The following EPHA5 variants were observed in gnomAD, a reference collection of about 807,000 sequenced individuals.
EPHA5 encodes the protein EPH receptor A5, also known as ephrin type-A receptor 5.
In EPHA5, 60 loss-of-function variants were observed where a neutral mutation model predicts 105.0. That is an observed-to-expected ratio of 0.57 (90% CI 0.46 to 0.71). EPHA5 has a LOEUF of 0.71. Ranked by LOEUF, EPHA5 falls within the 30% of genes least tolerant of loss-of-function variation. The pLI is 0.00. For missense variants in EPHA5, 1,218 were observed against 1,274.7 expected (o/e 0.96, Z 0.68); for synonymous variants, 513 against 449.1 (o/e 1.14, Z -1.80).
chr4:65,669,318 C>T (rs113792386), intron 1 of EPHA5: 4 of 896,268 alleles, frequency 4.5e-6, no homozygotes, highest in African/African-American at 3.6e-5. Context: ...TCCCAGCCCC[C>T]CAACCAGCCT....
chr4:65,386,897 C>A (rs73822134), intron 8 of EPHA5, among the ~76,000 whole-genome samples: 4,258 of 151,682 alleles, frequency 0.028, 201 homozygotes, highest in African/African-American at 0.097. Flanking sequence ...AAAATAGCAG[C>A]TTAGTGAGAA....
chr4:65,477,397 T>C (rs1021598053), intron 5 of EPHA5, among the ~76,000 whole-genome samples: 2 of 151,970 alleles, frequency 1.3e-5, no homozygotes, highest in African/African-American at 4.8e-5. Flanking sequence ...CTTCATGTTT[T>C]TTGTTTGTTT....
chr4:65,668,809 G>A (rs1182491302), intron 1 of EPHA5, among the ~76,000 whole-genome samples: 2 of 151,986 alleles, frequency 1.3e-5, no homozygotes, highest in Non-Finnish European at 2.9e-5. Context: ...ACATGCCCAG[G>A]TGGGTTTTAG....
chr4:65,450,796 G>C (rs531886553), intron 5 of EPHA5, among the ~76,000 whole-genome samples: 197 of 152,168 alleles, frequency 1.3e-3, no homozygotes, highest in Middle Eastern at 3.4e-3. Flanking sequence ...TCTAATCCCA[G>C]AACAAAGTAT....
At chr4:65,569,169 G>T (rs1031475155) in intron 3 of EPHA5, among the ~76,000 whole-genome samples, 1 of 151,402 alleles carries the variant, frequency 6.6e-6, no homozygotes, top group Non-Finnish European at 1.5e-5. Flanking sequence ...AAAAATTTAG[G>T]TTAGGCTCAT....
At chr4:65,625,098 T>C (rs1746016762) in intron 2 of EPHA5, among the ~76,000 whole-genome samples, 1 of 152,136 alleles carries the variant, frequency 6.6e-6, no homozygotes, top group South Asian at 2.1e-4. Context: ...AAGATTTAGA[T>C]AATAAAGGAA....
intron 5 of EPHA5, among the ~76,000 whole-genome samples, chr4:65,490,100 C>T (rs1325245691): frequency 6.6e-6 from 1 of 152,136 alleles, no homozygotes; most frequent in Non-Finnish European, 1.5e-5. Flanking sequence ...AATTTTGCTT[C>T]AAATGGATTT....
At chr4:65,334,589 A>G (rs1401259995) in intron 15 of EPHA5, among the ~76,000 whole-genome samples, 1 of 152,012 alleles carries the variant, frequency 6.6e-6, no homozygotes, top group African/African-American at 2.4e-5. Context: ...ATGGACCAGG[A>G]ACTAACAATT....
intron 3 of EPHA5, among the ~76,000 whole-genome samples, chr4:65,591,471 CAA>C (rs200154073): frequency 0.016 from 2,407 of 151,880 alleles, 60 homozygotes; most frequent in African/African-American, 0.055. Flanking sequence ...TTTCTGTTCC[CAA>C]GTTTCCCTCA....
At chr4:65,363,807 T>G (rs868239071) in intron 11 of EPHA5, among the ~76,000 whole-genome samples, 1 of 151,608 alleles carries the variant, frequency 6.6e-6, no homozygotes, top group Non-Finnish European at 1.5e-5. Context: ...TTCAAGGTCC[T>G]TCCCCTCAGA....
chr4:65,489,668 A>G (rs1328989970), intron 5 of EPHA5, among the ~76,000 whole-genome samples: 1 of 152,212 alleles, frequency 6.6e-6, no homozygotes, highest in Non-Finnish European at 1.5e-5. Context: ...TCTTACCAGG[A>G]AAGAAGTCTT....
At chr4:65,406,832 A>G (rs990952997) in intron 7 of EPHA5, among the ~76,000 whole-genome samples, 9 of 152,244 alleles carry the variant, frequency 5.9e-5, no homozygotes, top group Non-Finnish European at 8.8e-5. Flanking sequence ...ATTAACAAAA[A>G]CATATATCAG....
At chr4:65,606,444 T>C (rs991208025) in intron 2 of EPHA5, among the ~76,000 whole-genome samples, 1 of 152,194 alleles carries the variant, frequency 6.6e-6, no homozygotes, top group Non-Finnish European at 1.5e-5. Flanking sequence ...CATTTTCTTC[T>C]CTGTAAATCG....
intron 8 of EPHA5, among the ~76,000 whole-genome samples, chr4:65,383,182 T>A (rs1719739112): frequency 6.7e-6 from 1 of 149,612 alleles, no homozygotes; most frequent in Non-Finnish European, 1.5e-5. Flanking sequence ...ATATATGGTA[T>A]ATATGTATCA....
intron 5 of EPHA5, among the ~76,000 whole-genome samples, chr4:65,489,275 T>C (rs1366199815): frequency 1.3e-5 from 2 of 152,154 alleles, no homozygotes; most frequent in Admixed American, 1.3e-4. Flanking sequence ...TTAATTATTT[T>C]TGCTGAGACT....
intron 2 of EPHA5, among the ~76,000 whole-genome samples, chr4:65,620,103 C>T (rs1745581351): frequency 1.2e-5 from 1 of 84,938 alleles, no homozygotes; most frequent in African/African-American, 4.1e-5. Context: ...AATATTTGGA[C>T]TCAGGTATAT....
chr4:65,432,521 T>A (rs1348132267), intron 5 of EPHA5, among the ~76,000 whole-genome samples: 1 of 152,084 alleles, frequency 6.6e-6, no homozygotes, highest in Non-Finnish European at 1.5e-5. Flanking sequence ...CTGTGTTGAG[T>A]TCCTTTTCGT....
At chr4:65,565,141 A>G (rs966217178) in intron 3 of EPHA5, among the ~76,000 whole-genome samples, 1 of 151,732 alleles carries the variant, frequency 6.6e-6, no homozygotes, top group African/African-American at 2.4e-5. Flanking sequence ...TTAAAAATTC[A>G]CTTTAAAGAC....
At chr4:65,400,531 T>C (rs370845312) in intron 8 of EPHA5, among the ~76,000 whole-genome samples, 1 of 152,112 alleles carries the variant, frequency 6.6e-6, no homozygotes, top group East Asian at 1.9e-4. Flanking sequence ...TTAAATAGGA[T>C]TTTTCCTTCA....
Sources: allele counts gnomAD v4.1 joint callset (sites outside exome capture counted in the v4.1 genomes callset), GRCh38; gene constraint gnomAD v4.1.1; transcripts MANE v1.5; gene names NCBI Gene and HGNC (gene_info 2026-07-23, HGNC 2026-07-21).